Variants in BCOR observed in about 807,000 individuals in gnomAD.
BCOR encodes the protein BCL6 corepressor, also known as BCL-6 corepressor.
In BCOR, 10 loss-of-function variants were observed where a neutral mutation model predicts 86.7. That is an observed-to-expected ratio of 0.12 (90% CI 0.07 to 0.20). BCOR has a LOEUF of 0.20. BCOR is among the 10% of genes least tolerant of loss of function. The probability of loss-of-function intolerance (pLI) is 1.00; values close to 1 mark genes in which losing one functional copy is unlikely to be tolerated. For missense variants in BCOR, 1,259 were observed against 1,452.1 expected (o/e 0.87, Z 2.16); for synonymous variants, 611 against 609.0 (o/e 1.00, Z -0.05).
At chrX:40,147,756 G>A (rs991544549) in intron 1 of BCOR, among the ~76,000 whole-genome samples, 1 of 113,259 alleles carries the variant, frequency 8.8e-6, no homozygotes, top group African/African-American at 3.2e-5. Context: ...TCCCGAAGCG[G>A]AGGCGTGCGC....
intron 1 of BCOR, among the ~76,000 whole-genome samples, chrX:40,133,795 G>A (rs1937631529): frequency 9.0e-6 from 1 of 111,329 alleles, no homozygotes; most frequent in Admixed American, 9.6e-5. Flanking sequence ...CATCTGGGGA[G>A]TCTTTTCTAC....
chrX:40,160,160 T>TGCTGGAGC (rs1938382528), intron 1 of BCOR, among the ~76,000 whole-genome samples: 1 of 109,818 alleles, frequency 9.1e-6, no homozygotes, highest in African/African-American at 3.3e-5. Context: ...CAGGCTGGAG[T>TGCTGGAGC]GCTGGAGCGC....
chrX:40,144,463 G>A (rs1937995567), intron 1 of BCOR, among the ~76,000 whole-genome samples: 1 of 111,694 alleles, frequency 9.0e-6, no homozygotes, highest in Admixed American at 9.5e-5. Context: ...AAAGGGAGAG[G>A]GTACTCAGGA....
At chrX:40,068,700 A>G (rs1296209583) in intron 6 of BCOR, among the ~76,000 whole-genome samples, 1 of 113,362 alleles carries the variant, frequency 8.8e-6, no homozygotes, top group African/African-American at 3.2e-5. Context: ...TCCCTACCCC[A>G]TCTTCAAAAT....
intron 1 of BCOR, among the ~76,000 whole-genome samples, chrX:40,124,912 G>C (rs1937522256): frequency 9.1e-6 from 1 of 110,298 alleles, no homozygotes; most frequent in African/African-American, 3.3e-5. Flanking sequence ...TATGTACAGA[G>C]CTATGAAAAT....
intron 1 of BCOR, among the ~76,000 whole-genome samples, chrX:40,117,717 C>T (rs925501067): frequency 9.0e-6 from 1 of 110,636 alleles, no homozygotes; most frequent in Non-Finnish European, 1.9e-5. Context: ...AGGGGACACT[C>T]GATCCCCTTT....
Position 40,076,458 on chromosome X carries a change from T to C in BCOR, c.161A>G (p.Asn54Ser), listed in dbSNP as rs1435258487. 1 of 1,190,242 alleles carries C rather than the reference T, an allele frequency of 8.4e-7. No individual in the cohort carries two copies. Among genetic ancestry groups the C allele is most frequent in the Non-Finnish European group, 1.1e-6 (1 of 877,776 alleles). Reference sequence around the variant, plus strand: ...CAGAAGCTATTAATCTCTTACCACGTTGTGGTTCAAGGGATTCTCTTCCCT... The same window carrying C: ...CAGAAGCTATTAATCTCTTACCACGCTGTGGTTCAAGGGATTCTCTTCCCT... ...ELREENPLNH[N>S]VVDASTAHRI... The change falls in exon 3 of 15, where the codon AAC becomes AGC. Residue 54 changes from asparagine to serine, a missense_variant. Asn to Ser is a conservative substitution (Grantham distance 46, BLOSUM62 1). Transcript: ENST00000378444.
chrX:40,077,851 C>T lies in BCOR; in HGVS notation c.79G>A (p.Glu27Lys). Reference sequence around the variant, plus strand: ...CCAGATGGGCGCATTCACCTGTCTTCGCTCGCCCCACACATGCGGACCCTC... The same window carrying T: ...CCAGATGGGCGCATTCACCTGTCTTTGCTCGCCCCACACATGCGGACCCTC... ...SERVRMCGAS[E>K]DRKILVNDGD... Residue 27 changes from glutamate to lysine, a missense_variant, in exon 2 of 15, where the codon GAA becomes AAA. Transcript: ENST00000378444. The T allele has an allele frequency of 2.5e-6, 3 of 1,211,326 alleles. No individual in the cohort carries two copies. The highest frequency in any genetic ancestry group is 1.7e-5 in the African/African-American group (1 of 57,938).
chrX:40,119,090 C>T (rs1937442520), intron 1 of BCOR, among the ~76,000 whole-genome samples: 1 of 112,144 alleles, frequency 8.9e-6, no homozygotes, highest in Non-Finnish European at 1.9e-5. Flanking sequence ...ACCTTGGCCT[C>T]CCGAAGTGCT....
intron 1 of BCOR, among the ~76,000 whole-genome samples, chrX:40,117,565 C>T (rs1937414702): frequency 8.9e-6 from 1 of 111,862 alleles, no homozygotes; most frequent in African/African-American, 3.3e-5. Flanking sequence ...GTCATGCCTG[C>T]TCACAACATC....
chrX:40,101,321 C>A (rs182673125), upstream of BCOR, among the ~76,000 whole-genome samples: 615 of 111,591 alleles, frequency 5.5e-3, 3 homozygotes, highest in Middle Eastern at 0.023. Context: ...GCTGCTATAC[C>A]CAGCACTCAG....
At chrX:40,141,376 C>T (rs1386774799) in intron 1 of BCOR, among the ~76,000 whole-genome samples, 2 of 112,448 alleles carry the variant, frequency 1.8e-5, no homozygotes, top group African/African-American at 3.2e-5. Context: ...AAGGTTCCAG[C>T]GTGTTTCGCC....
At chrX:40,138,005 T>A (rs181051552) in intron 1 of BCOR, among the ~76,000 whole-genome samples, 17 of 110,725 alleles carry the variant, frequency 1.5e-4, no homozygotes. Flanking sequence ...CAGGCTAGAG[T>A]GCAATGGCGC....
chrX:40,077,786 G>C, intron 2 of BCOR, 58 bp downstream of exon 2: 1 of 1,089,125 alleles, frequency 9.2e-7, no homozygotes, highest in Non-Finnish European at 1.3e-6. Flanking sequence ...AGAAGTTGAG[G>C]GGGGCTTCAG....
chrX:40,153,771 AG>A (rs201998987), intron 1 of BCOR, among the ~76,000 whole-genome samples: 66 of 112,227 alleles, frequency 5.9e-4, no homozygotes, highest in African/African-American at 1.8e-3. Flanking sequence ...CGCGGGGGTT[AG>A]GGGGTGGCAA....
chrX:40,068,489 C>T (rs970482221), intron 6 of BCOR, among the ~76,000 whole-genome samples: 5 of 112,534 alleles, frequency 4.4e-5, no homozygotes, highest in African/African-American at 6.5e-5. Context: ...TTTCACTCAA[C>T]GCTTTCTCCA....
At position 40,097,531 on chromosome X, in the gene BCOR, G is replaced by T. The variant is rs1453187007; in HGVS notation, c.-357C>A. 5 of 109,292 alleles carry T rather than the reference G, an allele frequency of 4.6e-5. No individual in the cohort carries two copies. Among genetic ancestry groups the T allele is most frequent in the Non-Finnish European group, 9.6e-5 (5 of 51,826 alleles). The allele number at this position is 109,292 out of a possible 1,213,427, so 9.0% of individuals were successfully genotyped here. ...CCGCCGAGGGGTGGGCTCTGGGCCG[G>T]GTGGGGGCGGGGCGGGGCGGGCTCG... On this transcript the variant is annotated 5_prime_UTR_variant, in exon 1 of 15. Transcript: ENST00000378444.
chrX:40,139,330 T>C (rs1162417189), intron 1 of BCOR, among the ~76,000 whole-genome samples: 1 of 87,493 alleles, frequency 1.1e-5, no homozygotes, highest in Non-Finnish European at 2.3e-5. Context: ...TTTCAAGTTT[T>C]CTGTGGGTTT....
intron 1 of BCOR, among the ~76,000 whole-genome samples, chrX:40,133,383 T>G (rs5963748): frequency 0.34 from 36,890 of 108,384 alleles, 7,521 homozygotes; most frequent in African/African-American, 0.76. Flanking sequence ...TGATCCACCC[T>G]CCTCGGCCTC....
Sources: allele counts gnomAD v4.1 joint callset (sites outside exome capture counted in the v4.1 genomes callset), GRCh38; gene constraint gnomAD v4.1.1; transcripts MANE v1.5; gene names NCBI Gene and HGNC (gene_info 2026-07-23, HGNC 2026-07-21).